The following ARHGAP26 variants were observed in gnomAD, a reference collection of about 807,000 sequenced individuals.
The protein encoded by ARHGAP26 is rho GTPase-activating protein 26.
ARHGAP26 carries 38 observed loss-of-function variants against 104.8 expected under a neutral mutation model. The observed-to-expected ratio is 0.36, with a 90% CI of 0.28 to 0.48. ARHGAP26 has a LOEUF of 0.48. ARHGAP26 is among the 20% of genes least tolerant of loss of function. ARHGAP26 has a pLI of 0.99. For missense variants in ARHGAP26, 704 were observed against 947.9 expected, an observed-to-expected ratio of 0.74 and a Z score of 3.38; for synonymous variants, 341 against 340.0, an observed-to-expected ratio of 1.00 and a Z score of -0.03.
In ARHGAP26 at chr5:142,850,606, G is replaced by A. The variant is rs369929953; in HGVS notation, c.155-22794G>A. ...AATATCTCTGAGCCTCAGTCTCTCC[G>A]TAAAATAGGTATAATGATGCCTTCC... is the stretch of plus-strand genomic sequence containing the variant. On this transcript the variant is annotated intron_variant, in intron 1 of 22. Transcript: ENST00000645722. Among the ~76,000 whole-genome samples the A allele has an allele frequency of 1.2e-4, 19 of 152,280 alleles. 1 individual carries two copies. In the East Asian group the frequency reaches 2.1e-3, roughly 17 times the overall value.
chr5:143,172,738 G>A (rs368199224), intron 20 of ARHGAP26, among the ~76,000 whole-genome samples: 34 of 152,166 alleles, frequency 2.2e-4, no homozygotes, highest in African/African-American at 7.7e-4. Context: ...GCTGGTGATC[G>A]GCCTGGTAAC....
rs1162535877 is a variant in ARHGAP26 at position 142,890,136 on chromosome 5, T to TAAAAAAAAAA, written c.487-4095_487-4086dup. On this transcript the variant is annotated intron_variant, in intron 5 of 22. Transcript: ENST00000645722. ...GGGTAACAAGAGCGAAACTCCGTCT[T>TAAAAAAAAAA]AAAAAAAAAAAAAAAATATATATAT... Among the ~76,000 whole-genome samples, 76 of 29,156 alleles carry TAAAAAAAAAA rather than the reference T, an allele frequency of 2.6e-3. 2 individuals carry two copies. The highest frequency in any genetic ancestry group is 6.4e-3 in the East Asian group (2 of 312). 19.1% of individuals were successfully genotyped at this position (29,156 alleles called of 152,430 possible). A position where few individuals can be genotyped will look rare whatever the true frequency, so the allele number is the denominator to read the frequency against.
Position 143,054,426 on chromosome 5 carries a change from T to C in ARHGAP26, c.1286-13T>C. ...TATGCTGTGCTTTATGTATTGTCTT[T>C]TCTTCATTTTAGACCCCAAGACTGC... On this transcript the variant is annotated splice_polypyrimidine_tract_variant and intron_variant, in intron 14 of 22. Transcript: ENST00000645722. 6.3e-7 allele frequency: 1 copy of C among 1,597,360 alleles called. No homozygotes were observed. The highest frequency in any genetic ancestry group is 8.5e-7 in the Non-Finnish European group (1 of 1,170,060).
intron 1 of ARHGAP26, among the ~76,000 whole-genome samples, chr5:142,865,043 A>G (rs1033953386): frequency 1.3e-5 from 2 of 152,234 alleles, no homozygotes; most frequent in African/African-American, 4.8e-5. Flanking sequence ...TCATTAAGAA[A>G]TGTCCACAGT....
At chr5:142,792,322 CCTT>C (rs1366058268) in intron 1 of ARHGAP26, among the ~76,000 whole-genome samples, 2 of 152,218 alleles carry the variant, frequency 1.3e-5, no homozygotes, top group African/African-American at 2.4e-5. Context: ...CTCCCATACA[CCTT>C]CTTATTTTTT....
intron 1 of ARHGAP26, among the ~76,000 whole-genome samples, chr5:142,858,214 G>C (rs890599684): frequency 6.6e-6 from 1 of 151,938 alleles, no homozygotes; most frequent in Non-Finnish European, 1.5e-5. Flanking sequence ...TAATTGGCAC[G>C]GTTTGTCACT....
intron 5 of ARHGAP26, among the ~76,000 whole-genome samples, chr5:142,888,902 G>A (rs1206865192): frequency 6.6e-6 from 1 of 152,170 alleles, no homozygotes; most frequent in African/African-American, 2.4e-5. Flanking sequence ...AATGGTTGAC[G>A]GGTTTAATCA....
intron 19 of ARHGAP26, among the ~76,000 whole-genome samples, chr5:143,141,898 G>A (rs1798580873): frequency 6.6e-6 from 1 of 152,106 alleles, no homozygotes; most frequent in Non-Finnish European, 1.5e-5. Flanking sequence ...TCTCTTTCCT[G>A]TGGATCAGTG....
chr5:142,789,388 A>G (rs1021415279), intron 1 of ARHGAP26, among the ~76,000 whole-genome samples: 5 of 152,190 alleles, frequency 3.3e-5, no homozygotes, highest in African/African-American at 9.7e-5. Context: ...GGCCAGTATT[A>G]TATTGAATTT....
At chr5:143,080,601 G>C (rs1313044491) in intron 17 of ARHGAP26, among the ~76,000 whole-genome samples, 1 of 152,228 alleles carries the variant, frequency 6.6e-6, no homozygotes, top group African/African-American at 2.4e-5. Flanking sequence ...CACCTGCTTG[G>C]TGTGGAAACA....
At chr5:143,139,465 C>T (rs1437086915) in intron 19 of ARHGAP26, among the ~76,000 whole-genome samples, 1 of 152,178 alleles carries the variant, frequency 6.6e-6, no homozygotes, top group Non-Finnish European at 1.5e-5. Flanking sequence ...TCTTGAGCTA[C>T]AGAAGTGAAA....
At chr5:143,211,717 C>T (rs1488240124) in intron 21 of ARHGAP26, among the ~76,000 whole-genome samples, 1 of 151,650 alleles carries the variant, frequency 6.6e-6, no homozygotes, top group Non-Finnish European at 1.5e-5. Context: ...CACACGTGTC[C>T]CATCATGCCT....
At chr5:142,874,491 C>T (rs1316390891) in intron 2 of ARHGAP26, among the ~76,000 whole-genome samples, 1 of 152,158 alleles carries the variant, frequency 6.6e-6, no homozygotes, top group African/African-American at 2.4e-5. Context: ...GGCTGCTTTT[C>T]CCAACATGGC....
chr5:142,941,074 CAAAAAA>C (rs1162903888), intron 11 of ARHGAP26, among the ~76,000 whole-genome samples: 4 of 27,244 alleles, frequency 1.5e-4, no homozygotes, highest in African/African-American at 3.1e-4. Flanking sequence ...GACTCCATCT[CAAAAAA>C]AAAAAAAAAA....
At chr5:142,959,540 ACCC>A in intron 11 of ARHGAP26, among the ~76,000 whole-genome samples, 1 of 151,986 alleles carries the variant, frequency 6.6e-6, no homozygotes, top group Admixed American at 6.5e-5. Flanking sequence ...GTCAGCCAGG[ACCC>A]CCTCCCAGCC....
Position 143,132,657 on chromosome 5 carries a change from C to T in ARHGAP26, c.1699-1310C>T, listed in dbSNP as rs76910075. Among the ~76,000 whole-genome samples the T allele has an allele frequency of 5.1e-3, 772 of 151,964 alleles. 8 individuals carry two copies. The highest frequency in any genetic ancestry group is 0.017 in the African/African-American group (694 of 41,430). ...TTAACATTAACTGGAATAATTCATA[C>T]AAAGCATTTAACTTAGTGCCTGGTG... On this transcript the variant is annotated intron_variant, in intron 18 of 22. Transcript: ENST00000645722.
intron 17 of ARHGAP26, among the ~76,000 whole-genome samples, chr5:143,088,710 C>T (rs914854782): frequency 2.0e-5 from 3 of 152,160 alleles, no homozygotes; most frequent in Admixed American, 1.3e-4. Context: ...GATGGAGCAG[C>T]GGTGAGCGCA....
At chr5:143,157,215 C>T (rs1281153049) in intron 20 of ARHGAP26, among the ~76,000 whole-genome samples, 1 of 148,728 alleles carries the variant, frequency 6.7e-6, no homozygotes, top group East Asian at 2.0e-4. Context: ...CTCACTCTGT[C>T]ATCCAGGCTG....
chr5:143,182,895 C>G (rs902693060), intron 20 of ARHGAP26, among the ~76,000 whole-genome samples: 2 of 152,014 alleles, frequency 1.3e-5, no homozygotes, highest in African/African-American at 4.8e-5. Flanking sequence ...TATTGTAGTC[C>G]TCCTAATCCT....
Sources: allele counts gnomAD v4.1 joint callset (sites outside exome capture counted in the v4.1 genomes callset), GRCh38; gene constraint gnomAD v4.1.1; transcripts MANE v1.5; gene names NCBI Gene and HGNC (gene_info 2026-07-23, HGNC 2026-07-21).